ARHGEF7: variants seen among roughly 807,000 people sequenced by gnomAD.
The protein encoded by ARHGEF7 is Rho guanine nucleotide exchange factor 7, also known as PAK-interacting exchange factor beta.
ARHGEF7 carries 33 observed loss-of-function variants against 109.8 expected under a neutral mutation model. The observed-to-expected ratio is 0.30, with a 90% CI of 0.23 to 0.40. ARHGEF7 has a LOEUF of 0.40. Among genes scored for constraint, ARHGEF7 ranks in the 10% least tolerant of loss-of-function variants. The pLI is 1.00. For synonymous variants in ARHGEF7, 458 were observed against 424.6 expected, an observed-to-expected ratio of 1.08 and a Z score of -0.97; for missense variants, 938 against 1,098.5, an observed-to-expected ratio of 0.85 and a Z score of 2.07.
intron 1 of ARHGEF7, among the ~76,000 whole-genome samples, chr13:111,130,372 G>A (rs770889526): frequency 6.6e-6 from 1 of 152,206 alleles, no homozygotes; most frequent in East Asian, 1.9e-4. Context: ...GCATATGACA[G>A]TCTTTACCCT....
chr13:111,221,480 GAT>G (rs1352594128), intron 5 of ARHGEF7, among the ~76,000 whole-genome samples: 5,628 of 53,100 alleles, frequency 0.11, 1,605 homozygotes, highest in Middle Eastern at 0.19. Context: ...TATATATATA[GAT>G]ATATATAGAC....
chr13:111,201,804 G>A (rs956538769), intron 2 of ARHGEF7, among the ~76,000 whole-genome samples: 1 of 152,068 alleles, frequency 6.6e-6, no homozygotes, highest in East Asian at 1.9e-4. Flanking sequence ...TTCCAGCACC[G>A]CCGTGTCCTT....
chr13:111,184,408 A>G (rs1290664648), intron 2 of ARHGEF7, among the ~76,000 whole-genome samples: 1 of 152,096 alleles, frequency 6.6e-6, no homozygotes, highest in Non-Finnish European at 1.5e-5. Flanking sequence ...GCTAGAGAGG[A>G]TAGGTCTTTC....
At chr13:111,296,069 C>CAGATAAGGT (rs1223079185) in intron 19 of ARHGEF7, among the ~76,000 whole-genome samples, 1 of 152,172 alleles carries the variant, frequency 6.6e-6, no homozygotes, top group East Asian at 1.9e-4. Flanking sequence ...AGATAAGGCC[C>CAGATAAGGT]CAGAGTGGTG....
chr13:111,256,749 C>T lies in ARHGEF7; in HGVS notation c.951-10799C>T, dbSNP rs1438464048. Among the ~76,000 whole-genome samples the T allele has an allele frequency of 2.0e-5, 3 of 152,184 alleles. No homozygotes were observed. The East Asian group carries it at 5.8e-4, about 29-fold the overall frequency. On this transcript the variant is annotated intron_variant, in intron 8 of 21. Transcript: ENST00000646102. The stretch of plus-strand genomic sequence containing the variant: ...TGAATCATTTGCCGAGCTACCTCTT[C>T]TGTGCCTGACCTGTCCTGAACGCTG...
intron 1 of ARHGEF7, among the ~76,000 whole-genome samples, chr13:111,133,808 T>A (rs11069882): frequency 0.033 from 611 of 18,656 alleles, 32 homozygotes; most frequent in Non-Finnish European, 0.042. Flanking sequence ...TATATATATA[T>A]ATATATTTAT....
chr13:111,140,145 C>T (rs947750913), intron 1 of ARHGEF7, among the ~76,000 whole-genome samples: 1 of 152,156 alleles, frequency 6.6e-6, no homozygotes, highest in African/African-American at 2.4e-5. Context: ...ACAGGTCCTT[C>T]GTTCATTAAT....
rs1305462667 is a variant in ARHGEF7, at chr13:111,305,640, A to T, written c.*2527A>T. On this transcript the variant is annotated 3_prime_UTR_variant, in exon 22 of 22. Coordinates refer to ENST00000646102, the MANE Select transcript of ARHGEF7 (RefSeq NM_001354046.2). ...GTTGACAAGTGTGGAGAAACTCCTAATTTAAATGTCACAGACAATGTCCTA... is the reference window on the plus strand; with the variant it reads ...GTTGACAAGTGTGGAGAAACTCCTATTTTAAATGTCACAGACAATGTCCTA... 6.6e-6 allele frequency: 1 copy of T among 152,200 alleles called. No homozygotes were observed. The highest frequency in any genetic ancestry group is 2.4e-5 in the African/African-American group (1 of 41,458). 9.4% of individuals were successfully genotyped at this position (152,200 alleles called of 1,614,324 possible).
At chr13:111,192,958 A>T (rs978776024) in intron 2 of ARHGEF7, among the ~76,000 whole-genome samples, 1 of 152,172 alleles carries the variant, frequency 6.6e-6, no homozygotes, top group African/African-American at 2.4e-5. Context: ...TCTCCGGGCT[A>T]GTGACCTATT....
Position 111,283,152 on chromosome 13 carries a change from C to A in ARHGEF7, c.1739C>A (p.Pro580Gln). The change falls in exon 16 of 22, where the codon CCG becomes CAG. Residue 580 changes from proline to glutamine, a missense_variant. Physicochemically the swap from Pro to Gln is moderately conservative, Grantham distance 76. Around this residue, in one of 4 missense-constraint regions of ARHGEF7, gnomAD observed 585 missense variants for 723.6 expected, o/e 0.81. Coordinates refer to ENST00000646102, the MANE Select transcript of ARHGEF7 (RefSeq NM_001354046.2). ...SVPSHTLPSHPVTPSSKHADS... is the reference protein window; with the variant it reads ...SVPSHTLPSHQVTPSSKHADS... ...TGCCCTTGGCAGCTCCCCTCCCACC[C>A]GGTCACTCCGTCCAGCAAGCACGCA... 6.3e-7 allele frequency: 1 copy of A among 1,588,856 alleles called. No homozygotes were observed. The highest frequency in any genetic ancestry group is 8.6e-7 in the Non-Finnish European group (1 of 1,168,066).
At chr13:111,236,379 G>T (rs1230342700) in intron 6 of ARHGEF7, among the ~76,000 whole-genome samples, 3 of 151,982 alleles carry the variant, frequency 2.0e-5, no homozygotes, top group Admixed American at 1.3e-4. Context: ...TGTGTGTGTG[G>T]TCACACTTTC....
chr13:111,142,582 C>A (rs2153360078), intron 1 of ARHGEF7, among the ~76,000 whole-genome samples: 1 of 152,340 alleles, frequency 6.6e-6, no homozygotes, highest in Non-Finnish European at 1.5e-5. Flanking sequence ...ATCTTTCATG[C>A]AAGAGGCTTT....
At chr13:111,297,551 T>C (rs1029300361) in intron 19 of ARHGEF7, among the ~76,000 whole-genome samples, 2 of 152,360 alleles carry the variant, frequency 1.3e-5, no homozygotes, top group Non-Finnish European at 2.9e-5. Flanking sequence ...TTAAAAGATA[T>C]TTACAAAATG....
intron 5 of ARHGEF7, among the ~76,000 whole-genome samples, chr13:111,224,520 T>C (rs1260914042): frequency 1.3e-5 from 2 of 152,238 alleles, no homozygotes; most frequent in Non-Finnish European, 1.5e-5. Flanking sequence ...GTAAAGACAT[T>C]TCTTTTAAAT....
chr13:111,243,868 A>G lies in ARHGEF7; in HGVS notation c.760-4A>G, dbSNP rs775225940. 1.3e-5 allele frequency: 20 copies of G among 1,563,792 alleles called. No homozygotes were observed. Among genetic ancestry groups the G allele is most frequent in the South Asian group, 9.1e-5 (8 of 87,706 alleles). ...AAATAACACTTATTCATCATTTATT[A>G]TAGGTGCTACAGAATATTTTAGAAA... On this transcript the variant is annotated splice_polypyrimidine_tract_variant and splice_region_variant and intron_variant, in intron 6 of 21. Transcript: ENST00000646102.
At chr13:111,221,075 A>G (rs2083788189) in intron 5 of ARHGEF7, among the ~76,000 whole-genome samples, 1 of 145,452 alleles carries the variant, frequency 6.9e-6, no homozygotes, top group African/African-American at 2.5e-5. Flanking sequence ...ACATATATAC[A>G]TATACATCCC....
intron 18 of ARHGEF7, among the ~76,000 whole-genome samples, chr13:111,291,032 CT>C (rs988880653): frequency 2.0e-5 from 3 of 152,238 alleles, no homozygotes; most frequent in Admixed American, 6.5e-5. Context: ...GTAAACCAAA[CT>C]TCCTTGGTAT....
intron 2 of ARHGEF7, among the ~76,000 whole-genome samples, chr13:111,187,785 T>G (rs2079421592): frequency 6.6e-6 from 1 of 152,222 alleles, no homozygotes; most frequent in African/African-American, 2.4e-5. Flanking sequence ...TGGAGTGTCC[T>G]TCTGTGACCC....
chr13:111,170,748 C>T (rs1288714869), intron 2 of ARHGEF7, among the ~76,000 whole-genome samples: 4 of 152,160 alleles, frequency 2.6e-5, no homozygotes, highest in Non-Finnish European at 5.9e-5. Flanking sequence ...ACTCTGATGA[C>T]GGATGGTGCC....
Sources: allele counts gnomAD v4.1 joint callset (sites outside exome capture counted in the v4.1 genomes callset), GRCh38; gene constraint gnomAD v4.1.1; regional missense constraint gnomAD v4.1.1; transcripts MANE v1.5; gene names NCBI Gene and HGNC (gene_info 2026-07-23, HGNC 2026-07-21).